The following CAMTA1 variants were observed in gnomAD, a reference collection of about 807,000 sequenced individuals.
CAMTA1 encodes calmodulin-binding transcription activator 1.
A neutral mutation model predicts 170.9 loss-of-function variants in CAMTA1; 27 were observed. That is an observed-to-expected ratio of 0.16 (90% CI 0.12 to 0.22). CAMTA1 has a LOEUF of 0.22. CAMTA1 is among the 10% of genes least tolerant of loss of function. The pLI is 1.00. For missense variants in CAMTA1, 1,619 were observed against 2,217.2 expected, an observed-to-expected ratio of 0.73 and a Z score of 5.42; for synonymous variants, 833 against 891.5, an observed-to-expected ratio of 0.93 and a Z score of 1.17.
chr1:7,433,399 C>T (rs781021102), intron 5 of CAMTA1, among the ~76,000 whole-genome samples: 5 of 152,228 alleles, frequency 3.3e-5, no homozygotes, highest in Non-Finnish European at 5.9e-5. Context: ...CTTCTGAAAG[C>T]CACGGCCTGT....
chr1:7,718,867 T>TTTTTG (rs2096630982), intron 11 of CAMTA1, among the ~76,000 whole-genome samples: 1 of 148,208 alleles, frequency 6.7e-6, no homozygotes, highest in Non-Finnish European at 1.5e-5. Flanking sequence ...TTTTTTTTTT[T>TTTTTG]TTAAAGACCT....
intron 3 of CAMTA1, among the ~76,000 whole-genome samples, chr1:6,866,061 G>T (rs1666479699): frequency 6.6e-6 from 1 of 152,216 alleles, no homozygotes; most frequent in African/African-American, 2.4e-5. Flanking sequence ...TTTGACATCT[G>T]TGACTTGGTG....
Position 6,988,606 on chromosome 1 carries a change from C to A in CAMTA1, c.235-102698C>A, listed in dbSNP as rs564156792. 2.6e-5 allele frequency among the ~76,000 whole-genome samples: 4 copies of A among 152,180 alleles called. No individual in the cohort carries two copies. In the South Asian group the frequency reaches 8.3e-4, roughly 32 times the overall value. On this transcript the variant is annotated intron_variant, in intron 3 of 22. Transcript: ENST00000303635. Reference sequence around the variant, plus strand: ...AAGCCTTTTGGATTCCCCCCCACCCCCTACCCCTGCGCCACGGCAGTTGGC... The same window carrying A: ...AAGCCTTTTGGATTCCCCCCCACCCACTACCCCTGCGCCACGGCAGTTGGC...
rs899316712 is a variant in CAMTA1, at chr1:7,136,970, C to T, written c.302+45599C>T. On this transcript the variant is annotated intron_variant, in intron 4 of 22. Transcript: ENST00000303635. ...ATGACCTCAAATGTGTAATTCTAGC[C>T]CTGGCTTTCCCCTGGCCTTCAGATG... Among the ~76,000 whole-genome samples the T allele has an allele frequency of 2.0e-5, 3 of 152,262 alleles. No homozygotes were observed. The East Asian group carries it at 5.8e-4, about 29-fold the overall frequency.
chr1:6,847,186 G>A (rs1658518108), intron 3 of CAMTA1, among the ~76,000 whole-genome samples: 2 of 151,922 alleles, frequency 1.3e-5, no homozygotes, highest in South Asian at 4.1e-4. Context: ...CTACTTTTTA[G>A]TAGAGATGGG....
chr1:7,006,883 CT>C (rs1374057450), intron 3 of CAMTA1, among the ~76,000 whole-genome samples: 21 of 151,908 alleles, frequency 1.4e-4, no homozygotes, highest in Non-Finnish European at 2.8e-4. Context: ...TTCTAGAGTT[CT>C]TTTTTTCCCG....
At chr1:7,408,150 G>A (rs896936056) in intron 5 of CAMTA1, among the ~76,000 whole-genome samples, 3 of 152,132 alleles carry the variant, frequency 2.0e-5, no homozygotes, top group Admixed American at 6.5e-5. Context: ...CCCATGTCAG[G>A]TGTCATCTGA....
At position 6,818,410 on chromosome 1, in the gene CAMTA1, A is replaced by G. The variant is rs544910703; in HGVS notation, c.46-1771A>G. Among the ~76,000 whole-genome samples, 9 of 152,284 alleles carry G rather than the reference A, an allele frequency of 5.9e-5. No individual in the cohort carries two copies. The East Asian group carries it at 1.5e-3, about 26-fold the overall frequency. On this transcript the variant is annotated intron_variant, in intron 1 of 22. Transcript: ENST00000303635. The stretch of plus-strand genomic sequence containing the variant: ...CTGTTTGTTCTTAGAAAATGTTAAC[A>G]TTGTTAAAGCTCACCCTCATTAACT...
rs1168232134 is a variant in CAMTA1, at chr1:7,682,200, C to T, written c.2914+4467C>T. Among the ~76,000 whole-genome samples the T allele has an allele frequency of 3.9e-5, 6 of 152,194 alleles. No individual in the cohort carries two copies. In the East Asian group the frequency reaches 5.8e-4, roughly 15 times the overall value. ...GGGGACCCTGTCATCTCAGGCAGAG[C>T]GGGGAGCATGGACTAAAAGCTCAAA... is the stretch of plus-strand genomic sequence containing the variant. On this transcript the variant is annotated intron_variant, in intron 11 of 22. Transcript: ENST00000303635. The surrounding 1 kb of genome is among the most constrained non-coding windows in gnomAD (Gnocchi z 5.0).
chr1:6,855,183 A>G (rs1661830972), intron 3 of CAMTA1, among the ~76,000 whole-genome samples: 1 of 152,202 alleles, frequency 6.6e-6, no homozygotes, highest in South Asian at 2.1e-4. Flanking sequence ...TTGCAATTTT[A>G]TATGCCAACA....
chr1:7,332,166 C>T (rs1039772626), intron 5 of CAMTA1, among the ~76,000 whole-genome samples: 26 of 152,232 alleles, frequency 1.7e-4, no homozygotes, highest in African/African-American at 4.8e-4. Flanking sequence ...GAGGGGGCCC[C>T]GATCTGCCAG....
In CAMTA1 at chr1:7,732,520, C is replaced by T; in HGVS notation, c.2987C>T (p.Ser996Phe). 1 of 1,613,878 alleles carries T rather than the reference C, an allele frequency of 6.2e-7. No individual in the cohort carries two copies. The highest frequency in any genetic ancestry group is 2.2e-5 in the East Asian group (1 of 44,876). The change falls in exon 12 of 23, where the codon TCC becomes TTC. Residue 996 changes from serine to phenylalanine, a missense_variant. Transcript: ENST00000303635. This position sits in a 1 kb window ranked among gnomAD's most constrained non-coding sequence, Gnocchi z 4.1. ...AGGAGGATGGCCGAGATGACGGGGT[C>T]CCAGCAGCACAAACAGGCGAGCGGA... ...MERRMAEMTG[S>F]QQHKQASGGG...
At chr1:7,396,249 A>G (rs1311262997) in intron 5 of CAMTA1, among the ~76,000 whole-genome samples, 1 of 152,130 alleles carries the variant, frequency 6.6e-6, no homozygotes, top group Non-Finnish European at 1.5e-5. Context: ...CTCTCTCATC[A>G]AGTGATCTCT....
chr1:7,498,249 GGA>G (rs1219007932), intron 6 of CAMTA1, among the ~76,000 whole-genome samples: 5 of 140,552 alleles, frequency 3.6e-5, no homozygotes, highest in East Asian at 4.9e-4. Context: ...TGGATGTGTG[GGA>G]GAGTGTATGA....
At chr1:7,128,294 G>A (rs906525595) in intron 4 of CAMTA1, among the ~76,000 whole-genome samples, 1 of 152,204 alleles carries the variant, frequency 6.6e-6, no homozygotes, top group Non-Finnish European at 1.5e-5. Context: ...GTACAACCAT[G>A]TGCTGGGTCC....
At chr1:6,903,970 A>G (rs765395470) in intron 3 of CAMTA1, among the ~76,000 whole-genome samples, 15 of 152,216 alleles carry the variant, frequency 9.9e-5, no homozygotes, top group Non-Finnish European at 1.5e-4. Flanking sequence ...ACGATTCCCA[A>G]ATTATCTACA....
intron 5 of CAMTA1, among the ~76,000 whole-genome samples, chr1:7,452,345 G>A (rs1165216759): frequency 6.6e-6 from 1 of 151,996 alleles, no homozygotes; most frequent in Non-Finnish European, 1.5e-5. Flanking sequence ...CCTGGGCCAC[G>A]GTTTCTTTTT....
intron 5 of CAMTA1, among the ~76,000 whole-genome samples, chr1:7,277,691 G>A (rs1034039665): frequency 6.6e-5 from 10 of 151,884 alleles, no homozygotes; most frequent in African/African-American, 2.4e-4. Context: ...TCAGATAGTA[G>A]ATAAAGACAA....
chr1:7,391,621 T>TGG (rs2088726863), intron 5 of CAMTA1, among the ~76,000 whole-genome samples: 2 of 152,234 alleles, frequency 1.3e-5, no homozygotes, highest in South Asian at 4.1e-4. Context: ...ATGGAGATGG[T>TGG]TTCTATCAGC....
Sources: gnomAD v4.1 joint callset for allele counts (sites outside exome capture counted in the v4.1 genomes callset) on GRCh38, gnomAD v4.1.1 for gene constraint, Gnocchi (gnomAD v3.1) non-coding constraint, MANE v1.5 for transcripts, NCBI Gene and HGNC (gene_info 2026-07-23, HGNC 2026-07-21) for gene names.